The following CDH12 variants were observed in gnomAD, a reference collection of about 807,000 sequenced individuals.
CDH12 encodes cadherin-12.
A neutral mutation model predicts 74.1 loss-of-function variants in CDH12; 41 were observed. That is an observed-to-expected ratio of 0.55 (90% CI 0.43 to 0.72). CDH12 has a LOEUF of 0.72. CDH12 is among the 30% of genes least tolerant of loss of function. The pLI is 0.00. For missense variants in CDH12, 945 were observed against 977.2 expected, an observed-to-expected ratio of 0.97 and a Z score of 0.44; for synonymous variants, 399 against 355.0, an observed-to-expected ratio of 1.12 and a Z score of -1.39.
chr5:22,337,211 T>C (rs189497698), intron 3 of CDH12, among the ~76,000 whole-genome samples: 137 of 152,304 alleles, frequency 9.0e-4, no homozygotes, highest in Non-Finnish European at 1.1e-3. Flanking sequence ...GAAGTACCTA[T>C]CTTGCTTTTG....
intron 1 of CDH12, among the ~76,000 whole-genome samples, chr5:22,815,330 A>G (rs548443598): frequency 7.9e-5 from 12 of 152,318 alleles, no homozygotes; most frequent in African/African-American, 2.9e-4. Context: ...AGAGGCATGG[A>G]AAGTAGAGAT....
At chr5:21,853,151 A>G (rs1277554322) in intron 7 of CDH12, among the ~76,000 whole-genome samples, 1 of 151,568 alleles carries the variant, frequency 6.6e-6, no homozygotes, top group Non-Finnish European at 1.5e-5. Context: ...AAAAATCACA[A>G]AACTTCCTTT....
intron 1 of CDH12, among the ~76,000 whole-genome samples, chr5:22,550,970 C>A (rs2126733218): frequency 6.6e-6 from 1 of 152,222 alleles, no homozygotes; most frequent in African/African-American, 2.4e-5. Flanking sequence ...TAATAAATTG[C>A]TGGCTTTGAA....
Position 22,513,834 on chromosome 5 carries a change from G to A in CDH12, c.-522-8470C>T, listed in dbSNP as rs532420954. Among the ~76,000 whole-genome samples the A allele has an allele frequency of 1.6e-3, 246 of 151,648 alleles. 1 individual carries two copies. Among genetic ancestry groups the A allele is most frequent in the South Asian group, 6.0e-3 (29 of 4,796 alleles). On this transcript the variant is annotated intron_variant, in intron 1 of 14. Coordinates refer to ENST00000382254, the MANE Select transcript of CDH12 (RefSeq NM_004061.5). ...TTGGTGGTGGGTGCCTGTAATCCCA[G>A]CTACTTAGGAGGTTGAGGTAAGAGA...
chr5:21,791,647 C>T (rs1406270047), intron 10 of CDH12, among the ~76,000 whole-genome samples: 7 of 150,110 alleles, frequency 4.7e-5, no homozygotes, highest in Non-Finnish European at 1.0e-4. Context: ...ATAAAATAAA[C>T]CTAATTTCAT....
intron 1 of CDH12, among the ~76,000 whole-genome samples, chr5:22,628,015 A>T (rs866654351): frequency 6.6e-6 from 1 of 152,172 alleles, no homozygotes; most frequent in Non-Finnish European, 1.5e-5. Context: ...AGGGTATTAC[A>T]TAATGGTAAA....
intron 3 of CDH12, among the ~76,000 whole-genome samples, chr5:22,288,941 G>A (rs891416418): frequency 3.3e-5 from 5 of 152,140 alleles, no homozygotes; most frequent in Non-Finnish European, 7.3e-5. Context: ...TTATGAAGAA[G>A]GCTAAGGCGA....
intron 12 of CDH12, among the ~76,000 whole-genome samples, chr5:21,761,572 T>C (rs1744719054): frequency 6.6e-6 from 1 of 152,106 alleles, no homozygotes; most frequent in South Asian, 2.1e-4. Context: ...ACGGATATCC[T>C]GGTCCCAGTG....
intron 11 of CDH12, chr5:21,779,531 A>G (rs1745791841): frequency 6.6e-6 from 1 of 152,258 alleles, no homozygotes; most frequent in South Asian, 2.1e-4. Flanking sequence ...AATGCATAAA[A>G]GAATTATTAG....
intron 4 of CDH12, among the ~76,000 whole-genome samples, chr5:22,154,405 TAC>T (rs139877832): frequency 6.4e-5 from 9 of 141,704 alleles, no homozygotes; most frequent in Non-Finnish European, 7.8e-5. Flanking sequence ...AACCCCAGTT[TAC>T]ACACACACAC....
At chr5:22,042,916 A>C (rs7378898) in intron 5 of CDH12, among the ~76,000 whole-genome samples, 1 of 145,580 alleles carries the variant, frequency 6.9e-6, no homozygotes, top group African/African-American at 2.6e-5. Context: ...AAAAAAATTC[A>C]TAATAGACCT....
Position 21,894,453 on chromosome 5 carries a change from A to G in CDH12, c.527-39663T>C, listed in dbSNP as rs193029040. Among the ~76,000 whole-genome samples the G allele has an allele frequency of 3.0e-3, 454 of 151,660 alleles. 2 individuals are homozygous for G. Among genetic ancestry groups the G allele is most frequent in the African/African-American group, 0.011 (438 of 41,426 alleles). On this transcript the variant is annotated intron_variant, in intron 6 of 14. Coordinates refer to ENST00000382254, the MANE Select transcript of CDH12 (RefSeq NM_004061.5). ...TGAATATTCCCAGGACACTGATTTG[A>G]TTACAAATATACAAATGTATTAAGT... is the stretch of plus-strand genomic sequence containing the variant.
chr5:22,160,647 G>C (rs953286983), intron 4 of CDH12, among the ~76,000 whole-genome samples: 6 of 152,126 alleles, frequency 3.9e-5, no homozygotes, highest in African/African-American at 1.4e-4. Flanking sequence ...CAGGGTGCTG[G>C]CTGATTTAGT....
At chr5:21,862,374 A>T (rs769400925) in intron 6 of CDH12, among the ~76,000 whole-genome samples, 1 of 152,122 alleles carries the variant, frequency 6.6e-6, no homozygotes. Flanking sequence ...TCCATTTTAC[A>T]ATCCAATACT....
chr5:22,496,696 G>A (rs1198885837), intron 2 of CDH12, among the ~76,000 whole-genome samples: 1 of 152,106 alleles, frequency 6.6e-6, no homozygotes, highest in Non-Finnish European at 1.5e-5. Flanking sequence ...CCAATCATCT[G>A]TGCTCAGTCT....
intron 1 of CDH12, among the ~76,000 whole-genome samples, chr5:22,726,230 T>C: frequency 6.6e-6 from 1 of 151,784 alleles, no homozygotes; most frequent in Non-Finnish European, 1.5e-5. Flanking sequence ...TTAGCAACCA[T>C]TGATCCTTTG....
intron 1 of CDH12, among the ~76,000 whole-genome samples, chr5:22,545,018 AAC>A (rs1340611737): frequency 6.6e-6 from 1 of 152,180 alleles, no homozygotes; most frequent in Non-Finnish European, 1.5e-5. Flanking sequence ...ACACATACAA[AAC>A]ACAACACTAT....
chr5:22,390,412 C>T (rs911396787), intron 3 of CDH12, among the ~76,000 whole-genome samples: 11 of 151,998 alleles, frequency 7.2e-5, no homozygotes, highest in Non-Finnish European at 4.4e-5. Flanking sequence ...AAGCTTCTTT[C>T]ATATAAATTT....
At chr5:22,249,870 C>T (rs1244112083) in intron 3 of CDH12, among the ~76,000 whole-genome samples, 4 of 6,856 alleles carry the variant, frequency 5.8e-4, no homozygotes, top group African/African-American at 6.4e-4. Flanking sequence ...AGATTATTCA[C>T]TCATTTTTGT....
Sources: gnomAD v4.1 joint callset for allele counts (sites outside exome capture counted in the v4.1 genomes callset) on GRCh38, gnomAD v4.1.1 for gene constraint, MANE v1.5 for transcripts, NCBI Gene and HGNC (gene_info 2026-07-23, HGNC 2026-07-21) for gene names.